TAF4B: variants seen among roughly 807,000 people sequenced by gnomAD.
TAF4B encodes the protein transcription initiation factor TFIID subunit 4B.
A neutral mutation model predicts 86.4 loss-of-function variants in TAF4B; 38 were observed. That is an observed-to-expected ratio of 0.44 (90% CI 0.34 to 0.58). The LOEUF (loss-of-function observed/expected upper bound fraction) is 0.58, where lower values mean the gene tolerates loss of function less well. Ranked by LOEUF, TAF4B falls within the 20% of genes least tolerant of loss-of-function variation. The probability of loss-of-function intolerance (pLI) is 0.02; values close to 1 mark genes in which losing one functional copy is unlikely to be tolerated. For missense variants in TAF4B, 988 were observed against 1,027.6 expected, an observed-to-expected ratio of 0.96 and a Z score of 0.53; for synonymous variants, 388 against 391.2, an observed-to-expected ratio of 0.99 and a Z score of 0.10.
chr18:26,286,348 G>T lies in TAF4B; in HGVS notation c.1439G>T (p.Cys480Phe), dbSNP rs775459462. ...GGAGAAACTTCAGGTGCAGCTATTT[G>T]TCTTCCATCTGTGAAACCTGTTGTT... ...TFGETSGAAI[C>F]LPSVKPVVSS... is the part of the protein sequence containing the mutation. The change falls in exon 7 of 15, where the codon TGT becomes TTT. Residue 480 changes from cysteine to phenylalanine, a missense_variant. By Grantham distance (205) the Cys-to-Phe change is radical. Transcript: ENST00000269142. The T allele has an allele frequency of 8.1e-6, 13 of 1,614,100 alleles. No individual in the cohort carries two copies. Among genetic ancestry groups the T allele is most frequent in the Non-Finnish European group, 1.0e-5 (12 of 1,180,046 alleles).
chr18:26,236,243 C>G (rs769747212), intron 1 of TAF4B, among the ~76,000 whole-genome samples: 1 of 152,168 alleles, frequency 6.6e-6, no homozygotes, highest in Non-Finnish European at 1.5e-5. Flanking sequence ...AGCAAAGTCT[C>G]CCAATTACAA....
At chr18:26,354,348 C>T (rs190431184) in intron 13 of TAF4B, among the ~76,000 whole-genome samples, 64 of 152,346 alleles carry the variant, frequency 4.2e-4, no homozygotes, top group South Asian at 4.1e-4. Context: ...ACTGGGATTA[C>T]AGGTTTGAGC....
intron 1 of TAF4B, among the ~76,000 whole-genome samples, chr18:26,249,049 G>A (rs1399288548): frequency 6.6e-6 from 1 of 151,598 alleles, no homozygotes; most frequent in Non-Finnish European, 1.5e-5. Context: ...GTACGTGCCT[G>A]TAATCCCAGC....
intron 10 of TAF4B, among the ~76,000 whole-genome samples, chr18:26,319,513 T>C (rs900850013): frequency 6.6e-6 from 1 of 152,050 alleles, no homozygotes; most frequent in Admixed American, 6.6e-5. Flanking sequence ...AAAATAAAAA[T>C]AAAAATAAGA....
chr18:26,280,830 T>C (rs557638766), intron 5 of TAF4B, among the ~76,000 whole-genome samples: 1 of 152,146 alleles, frequency 6.6e-6, no homozygotes, highest in East Asian at 1.9e-4. Context: ...AATCATTCTA[T>C]AAAAAAGACA....
At chr18:26,389,703 G>A in intron 14 of TAF4B, 142 bp from the exon 15 acceptor site, 1 of 820,726 alleles carries the variant, frequency 1.2e-6, no homozygotes, top group South Asian at 1.9e-5. Context: ...CTGGAGGACA[G>A]GGTTAGGTCT....
chr18:26,373,212 G>C (rs1337177609), intron 14 of TAF4B, among the ~76,000 whole-genome samples: 3 of 152,148 alleles, frequency 2.0e-5, no homozygotes, highest in Non-Finnish European at 4.4e-5. Flanking sequence ...TTGAAATGGG[G>C]ATTGACCCCT....
intron 9 of TAF4B, among the ~76,000 whole-genome samples, chr18:26,314,334 C>T (rs2056880716): frequency 6.6e-6 from 1 of 152,062 alleles, no homozygotes; most frequent in Non-Finnish European, 1.5e-5. Context: ...CTTTCCTCTC[C>T]CTCTTCTTTA....
intron 1 of TAF4B, among the ~76,000 whole-genome samples, chr18:26,229,197 A>AT (rs996430973): frequency 6.6e-6 from 1 of 152,206 alleles, no homozygotes; most frequent in African/African-American, 2.4e-5. Flanking sequence ...CCATAGTCTA[A>AT]TTATGTTCCT....
chr18:26,313,037 T>A (rs572778694), intron 9 of TAF4B, among the ~76,000 whole-genome samples: 5 of 152,322 alleles, frequency 3.3e-5, no homozygotes, highest in Admixed American at 2.6e-4. Context: ...AAATTTCTTA[T>A]GTATCTTTCC....
chr18:26,338,047 A>T (rs1005019204), intron 13 of TAF4B, among the ~76,000 whole-genome samples: 1 of 152,218 alleles, frequency 6.6e-6, no homozygotes, highest in Non-Finnish European at 1.5e-5. Flanking sequence ...GGCTTTATTT[A>T]TGCTGAGAAA....
chr18:26,349,620 C>T (rs1468105164), intron 13 of TAF4B, among the ~76,000 whole-genome samples: 1 of 152,140 alleles, frequency 6.6e-6, no homozygotes, highest in Non-Finnish European at 1.5e-5. Context: ...TTACAATGAC[C>T]ATACTAGCCA....
intron 14 of TAF4B, among the ~76,000 whole-genome samples, chr18:26,380,595 C>G (rs2057471507): frequency 1.3e-5 from 2 of 152,130 alleles, no homozygotes; most frequent in Admixed American, 1.3e-4. Context: ...ATCTTCCTTT[C>G]TAGTAATATT....
chr18:26,315,143 T>A (rs1177864050), intron 9 of TAF4B, 86 bp from the exon 10 acceptor site: 18 of 293,678 alleles, frequency 6.1e-5, no homozygotes, highest in African/African-American at 5.3e-4. Flanking sequence ...TCTCTCTCTC[T>A]CTGTCTCTCT....
At chr18:26,346,823 G>T (rs1187663167) in intron 13 of TAF4B, among the ~76,000 whole-genome samples, 1 of 15,094 alleles carries the variant, frequency 6.6e-5, no homozygotes, top group Non-Finnish European at 2.0e-4. Context: ...ATATGTGTGT[G>T]TATATATATA....
chr18:26,265,326 T>G lies in TAF4B; in HGVS notation c.489+11T>G. 6 of 1,577,770 alleles carry G rather than the reference T, an allele frequency of 3.8e-6. No homozygotes were observed. The highest frequency in any genetic ancestry group is 5.1e-6 in the Non-Finnish European group (6 of 1,166,130). Reference sequence around the variant, plus strand: ...ATCTGTACAGTGCCGGTAATATACCTTAAATATTTTTCATCTTTCTTTGTT... The same window carrying G: ...ATCTGTACAGTGCCGGTAATATACCGTAAATATTTTTCATCTTTCTTTGTT... On this transcript the variant is annotated intron_variant, in intron 2 of 14. Coordinates refer to ENST00000269142, the MANE Select transcript of TAF4B (RefSeq NM_005640.3).
intron 8 of TAF4B, among the ~76,000 whole-genome samples, chr18:26,293,030 T>C (rs2056613297): frequency 6.6e-6 from 1 of 152,216 alleles, no homozygotes; most frequent in Admixed American, 6.5e-5. Context: ...TGTATGCATG[T>C]ACATGCATGC....
rs548518382 is a variant in TAF4B at position 26,263,583 on chromosome 18, A to G, written c.344-1587A>G. 3.9e-5 allele frequency among the ~76,000 whole-genome samples: 6 copies of G among 152,292 alleles called. No individual in the cohort carries two copies. In the East Asian group the frequency reaches 5.8e-4, roughly 15 times the overall value. ...TTTGCTTCATTTTGTGGCGTGTCCT[A>G]TTACCTGATGGTGTCTTTTGCTGAA... On this transcript the variant is annotated intron_variant, in intron 1 of 14. Transcript: ENST00000269142.
intron 14 of TAF4B, among the ~76,000 whole-genome samples, chr18:26,361,162 T>G (rs1185607543): frequency 6.6e-6 from 1 of 152,098 alleles, no homozygotes; most frequent in Non-Finnish European, 1.5e-5. Flanking sequence ...CCAAAACCTT[T>G]TCATCTTGTA....
Sources: allele counts gnomAD v4.1 joint callset (sites outside exome capture counted in the v4.1 genomes callset), GRCh38; gene constraint gnomAD v4.1.1; transcripts MANE v1.5; gene names NCBI Gene and HGNC (gene_info 2026-07-23, HGNC 2026-07-21).